The following GABRB1 variants were observed in gnomAD, a reference collection of about 807,000 sequenced individuals.
GABRB1 encodes gamma-aminobutyric acid type A receptor subunit beta1.
GABRB1 carries 17 observed loss-of-function variants against 51.6 expected under a neutral mutation model. The ratio of observed to expected loss-of-function variants is 0.33; its 90% CI spans 0.23 to 0.49. The LOEUF (loss-of-function observed/expected upper bound fraction) is 0.49, where lower values mean the gene tolerates loss of function less well. GABRB1 is among the 20% of genes least tolerant of loss of function. GABRB1 has a pLI of 0.99. For synonymous variants in GABRB1, 247 were observed against 218.9 expected, an observed-to-expected ratio of 1.13 and a Z score of -1.14; for missense variants, 410 against 600.6, an observed-to-expected ratio of 0.68 and a Z score of 3.32.
chr4:47,281,053 T>C (rs569010369), intron 4 of GABRB1, among the ~76,000 whole-genome samples: 1 of 152,258 alleles, frequency 6.6e-6, no homozygotes, highest in Non-Finnish European at 1.5e-5. Context: ...CATTTCTTTC[T>C]GGGCTGAACA....
At chr4:47,024,656 T>G (rs1725030718) in intron 1 of GABRB1, among the ~76,000 whole-genome samples, 1 of 151,642 alleles carries the variant, frequency 6.6e-6, no homozygotes, top group Admixed American at 6.6e-5. Flanking sequence ...TTGTGAGATT[T>G]TGGTGCACCC....
At chr4:47,403,839 A>C (rs1728480788) in intron 7 of GABRB1, 128 bp downstream of exon 7, 1 of 785,896 alleles carries the variant, frequency 1.3e-6, no homozygotes, top group African/African-American at 1.7e-5. Context: ...CAAGTCCCTG[A>C]ATATAAAACA....
chr4:47,040,266 T>A (rs1725781669), intron 3 of GABRB1, among the ~76,000 whole-genome samples: 1 of 152,126 alleles, frequency 6.6e-6, no homozygotes, highest in Non-Finnish European at 1.5e-5. Flanking sequence ...GTATTTTAGG[T>A]TCTTGCAGCT....
upstream of GABRB1, among the ~76,000 whole-genome samples, chr4:47,028,835 T>C (rs1485101463): frequency 6.7e-6 from 1 of 148,618 alleles, no homozygotes; most frequent in Non-Finnish European, 1.5e-5. Flanking sequence ...TATATATACA[T>C]ATATATGGTG....
intron 1 of GABRB1, among the ~76,000 whole-genome samples, chr4:47,010,490 A>T (rs562780694): frequency 1.3e-5 from 2 of 152,228 alleles, no homozygotes; most frequent in South Asian, 2.1e-4. Context: ...GAATGATTGC[A>T]TAACAATGAT....
chr4:47,422,483 A>G (rs1397932619), intron 8 of GABRB1, among the ~76,000 whole-genome samples: 3 of 152,180 alleles, frequency 2.0e-5, no homozygotes, highest in Admixed American at 2.0e-4. Context: ...AAGACCGCAA[A>G]TGGCCTTATT....
intron 5 of GABRB1, among the ~76,000 whole-genome samples, chr4:47,386,107 T>C (rs1007823449): frequency 3.3e-5 from 5 of 152,184 alleles, no homozygotes; most frequent in African/African-American, 9.7e-5. Flanking sequence ...CTACAGCTTT[T>C]CTCTGCTCTC....
chr4:47,341,442 A>G (rs1346138830), intron 5 of GABRB1, among the ~76,000 whole-genome samples: 4 of 152,200 alleles, frequency 2.6e-5, no homozygotes, highest in African/African-American at 9.6e-5. Context: ...CCTCATAAAC[A>G]TCTAGCAAGT....
intron 1 of GABRB1, among the ~76,000 whole-genome samples, chr4:46,997,671 C>T (rs1054632279): frequency 1.3e-5 from 2 of 152,006 alleles, no homozygotes; most frequent in African/African-American, 2.4e-5. Flanking sequence ...CATGTTGTTG[C>T]AAATGGCAGT....
At chr4:47,421,501 A>G (rs1729090179) in intron 8 of GABRB1, among the ~76,000 whole-genome samples, 1 of 152,112 alleles carries the variant, frequency 6.6e-6, no homozygotes, top group African/African-American at 2.4e-5. Flanking sequence ...AATGTTCTTC[A>G]TAATCAAAAA....
At chr4:47,419,023 T>C (rs1050859184) in intron 8 of GABRB1, among the ~76,000 whole-genome samples, 1 of 152,222 alleles carries the variant, frequency 6.6e-6, no homozygotes, top group African/African-American at 2.4e-5. Context: ...TTAAAAGATA[T>C]ATACAGCTCT....
intron 4 of GABRB1, among the ~76,000 whole-genome samples, chr4:47,238,929 G>A (rs1288743163): frequency 1.3e-5 from 2 of 152,174 alleles, no homozygotes; most frequent in Non-Finnish European, 2.9e-5. Flanking sequence ...GCTATTGTAG[G>A]AGGAGCTTTG....
In GABRB1 at chr4:47,269,746, G is replaced by GTAT. The variant is rs535381191; in HGVS notation, c.462-50378_462-50376dup. Among the ~76,000 whole-genome samples the GTAT allele has an allele frequency of 3.0e-4, 45 of 152,066 alleles. 2 individuals carry two copies. The South Asian group carries it at 9.1e-3, about 31-fold the overall frequency. On this transcript the variant is annotated intron_variant, in intron 4 of 8. Coordinates refer to ENST00000295454, the MANE Select transcript of GABRB1 (RefSeq NM_000812.4). ...GTCGGGGATGATACACTATGTACAT[G>GTAT]TATTAACTCTTTAATTCTCACCACA...
At chr4:47,294,444 CAGA>C (rs1485788795) in intron 4 of GABRB1, among the ~76,000 whole-genome samples, 1 of 152,258 alleles carries the variant, frequency 6.6e-6, no homozygotes, top group Non-Finnish European at 1.5e-5. Context: ...AACGGCGCAC[CAGA>C]AGATTATAAC....
intron 4 of GABRB1, among the ~76,000 whole-genome samples, chr4:47,229,770 T>C (rs1721070989): frequency 6.6e-6 from 1 of 152,038 alleles, no homozygotes; most frequent in Non-Finnish European, 1.5e-5. Flanking sequence ...AAGGGGCACA[T>C]TTTAGGGTGA....
At chr4:47,329,884 T>G (rs1725410459) in intron 5 of GABRB1, among the ~76,000 whole-genome samples, 1 of 151,614 alleles carries the variant, frequency 6.6e-6, no homozygotes, top group Non-Finnish European at 1.5e-5. Flanking sequence ...AAAGACAGAT[T>G]TATTATAAGG....
Position 47,017,913 on chromosome 4 carries a change from A to G in GABRB1, c.-19-14001A>G, listed in dbSNP as rs1385528051. ...ATTGTTGTTAAATTCAGATTTTCAG[A>G]TTTGAATTATTGACTTTTCTCTTTC... is the stretch of plus-strand genomic sequence containing the variant. On this transcript the variant is annotated intron_variant, in intron 1 of 3. Transcript: ENST00000513567. 2.0e-5 allele frequency among the ~76,000 whole-genome samples: 3 copies of G among 152,184 alleles called. No homozygotes were observed. In the East Asian group the frequency reaches 5.8e-4, roughly 29 times the overall value.
chr4:47,332,651 A>G (rs1253159671), intron 5 of GABRB1, among the ~76,000 whole-genome samples: 2 of 152,088 alleles, frequency 1.3e-5, no homozygotes, highest in Admixed American at 6.6e-5. Context: ...TAGCACAAGA[A>G]TTTTTTAAGC....
intron 3 of GABRB1, among the ~76,000 whole-genome samples, chr4:47,035,113 G>T (rs950119538): frequency 1.3e-5 from 2 of 151,980 alleles, no homozygotes; most frequent in African/African-American, 2.4e-5. Flanking sequence ...TTCCATGGCT[G>T]GGAAAATGAC....
Sources: gnomAD v4.1 joint callset for allele counts (sites outside exome capture counted in the v4.1 genomes callset) on GRCh38, gnomAD v4.1.1 for gene constraint, MANE v1.5 for transcripts, NCBI Gene and HGNC (gene_info 2026-07-23, HGNC 2026-07-21) for gene names.